Variants in FER observed in about 807,000 individuals in gnomAD.
FER encodes FER tyrosine kinase, also known as tyrosine-protein kinase Fer.
FER carries 63 observed loss-of-function variants against 111.0 expected under a neutral mutation model. The ratio of observed to expected loss-of-function variants is 0.57; its 90% confidence interval spans 0.46 to 0.70. The LOEUF (loss-of-function observed/expected upper bound fraction) is 0.70. Among genes scored for constraint, FER ranks in the 30% least tolerant of loss-of-function variants. The pLI is 0.00. For synonymous variants in FER, 327 were observed against 313.9 expected, an observed-to-expected ratio of 1.04 and a Z score of -0.44; for missense variants, 914 against 954.0, an observed-to-expected ratio of 0.96 and a Z score of 0.55.
At chr5:109,186,971 G>A (rs767759451) in intron 19 of FER, among the ~76,000 whole-genome samples, 3 of 152,118 alleles carry the variant, frequency 2.0e-5, no homozygotes, top group Non-Finnish European at 2.9e-5. Context: ...CTGAAACACT[G>A]CCAACCAACA....
rs1758216867 is a variant in FER at position 109,180,868 on chromosome 5, A to G, written c.2170A>G (p.Ile724Val). ...ATCTTCTGGCTTAAAGCAGATTCCC[A>G]TTAAATGGACAGCACCGGAAGCTCT... ...YSSSGLKQIPIKWTAPEALNY... is the reference protein window; with the variant it reads ...YSSSGLKQIPVKWTAPEALNY... The change falls in exon 18 of 20, where the codon ATT becomes GTT. Residue 724 changes from isoleucine (I) to valine (V), a missense_variant. By Grantham distance (29) the Ile-to-Val change is conservative. Around this residue, in one of 3 missense-constraint regions of FER, gnomAD observed 134 missense variants for 149.4 expected, o/e 0.90. Coordinates refer to ENST00000281092, the MANE Select transcript of FER (RefSeq NM_005246.4). 2.5e-6 allele frequency: 4 copies of G among 1,613,082 alleles called. No individual in the cohort carries two copies. The highest frequency in any genetic ancestry group is 2.7e-5 in the African/African-American group (2 of 74,878).
chr5:108,834,830 AGTGTCATCGTCT>A (rs1174283676), intron 4 of FER, among the ~76,000 whole-genome samples: 1 of 152,144 alleles, frequency 6.6e-6, no homozygotes, highest in Non-Finnish European at 1.5e-5. Flanking sequence ...TTATTCACAC[AGTGTCATCGTCT>A]GTGTCATCAA....
chr5:109,145,475 A>G (rs1221904409), intron 17 of FER, among the ~76,000 whole-genome samples: 3 of 151,722 alleles, frequency 2.0e-5, no homozygotes, highest in Non-Finnish European at 4.4e-5. Context: ...TTTCTTTACA[A>G]TTTTTTTCTT....
At chr5:109,186,817 G>C (rs926890362) in intron 19 of FER, among the ~76,000 whole-genome samples, 2 of 152,106 alleles carry the variant, frequency 1.3e-5, no homozygotes, top group South Asian at 2.1e-4. Flanking sequence ...ATACAGTCTC[G>C]ACAAAAAGAA....
At chr5:108,753,328 T>C (rs936989179) in intron 1 of FER, among the ~76,000 whole-genome samples, 8 of 152,160 alleles carry the variant, frequency 5.3e-5, no homozygotes, top group Admixed American at 3.9e-4. Context: ...GACATTTGCA[T>C]TTATACAAAT....
intron 7 of FER, 89 bp downstream of exon 7, chr5:108,871,591 C>G: frequency 1.1e-6 from 1 of 926,542 alleles, no homozygotes; most frequent in Non-Finnish European, 1.6e-6. Context: ...ATAAGAAATA[C>G]TTAAGATCTT....
At chr5:108,934,529 C>G (rs952108350) in intron 10 of FER, among the ~76,000 whole-genome samples, 1 of 152,042 alleles carries the variant, frequency 6.6e-6, no homozygotes, top group African/African-American at 2.4e-5. Flanking sequence ...GAGTTCGTTG[C>G]TTTTTAAAAT....
At chr5:109,168,442 T>C (rs1360507182) in intron 17 of FER, among the ~76,000 whole-genome samples, 1 of 151,998 alleles carries the variant, frequency 6.6e-6, no homozygotes, top group Non-Finnish European at 1.5e-5. Context: ...GGGCTGAAAG[T>C]AAATTGGTCA....
intron 3 of FER, among the ~76,000 whole-genome samples, chr5:108,808,348 G>A (rs1475762175): frequency 3.3e-5 from 5 of 151,700 alleles, no homozygotes; most frequent in African/African-American, 1.2e-4. Context: ...TTTATCATTA[G>A]TATCATTATT....
chr5:109,172,891 A>G (rs1284545298), intron 17 of FER, among the ~76,000 whole-genome samples: 1 of 152,214 alleles, frequency 6.6e-6, no homozygotes, highest in African/African-American at 2.4e-5. Flanking sequence ...ATACAAATTT[A>G]GTACCCATTT....
intron 13 of FER, among the ~76,000 whole-genome samples, chr5:109,035,315 A>G (rs1770224345): frequency 6.6e-6 from 1 of 152,102 alleles, no homozygotes; most frequent in African/African-American, 2.4e-5. Context: ...CTCAACTCCT[A>G]CCCCAAGCAA....
intron 17 of FER, among the ~76,000 whole-genome samples, chr5:109,158,329 G>A (rs764521808): frequency 3.3e-5 from 5 of 152,040 alleles, no homozygotes; most frequent in Non-Finnish European, 7.4e-5. Context: ...ACCTGAACCC[G>A]GAAGTCAAAG....
At chr5:109,063,422 G>T (rs1774685359) in intron 16 of FER, among the ~76,000 whole-genome samples, 2 of 152,134 alleles carry the variant, frequency 1.3e-5, no homozygotes, top group Non-Finnish European at 2.9e-5. Flanking sequence ...CTAGATACTT[G>T]CCTGGCATTT....
rs188316751 is a variant in FER, at chr5:109,161,263, G to C, written c.2049-19484G>C. ...AAAATTATGAGGCCATAAGTATCTT[G>C]AAATATTATTTTAAGTTCAGGGGTA... On this transcript the variant is annotated intron_variant, in intron 17 of 19. Coordinates refer to ENST00000281092, the MANE Select transcript of FER (RefSeq NM_005246.4). Among the ~76,000 whole-genome samples, 1,184 of 151,630 alleles carry C rather than the reference G, an allele frequency of 7.8e-3. 11 individuals are homozygous for C. The highest frequency in any genetic ancestry group is 0.028 in the African/African-American group (1,148 of 41,528).
At chr5:108,770,119 C>T (rs779113973) in intron 2 of FER, among the ~76,000 whole-genome samples, 3 of 151,932 alleles carry the variant, frequency 2.0e-5, no homozygotes, top group Non-Finnish European at 4.4e-5. Context: ...CGGCTAATTT[C>T]GTATTTTTAG....
chr5:108,900,632 C>G (rs540774244), intron 10 of FER, among the ~76,000 whole-genome samples: 1 of 152,102 alleles, frequency 6.6e-6, no homozygotes, highest in East Asian at 1.9e-4. Context: ...GCAGGAGAGA[C>G]AATGAATTAT....
chr5:108,959,075 A>G (rs1758807629), intron 12 of FER, 150 bp from the exon 13 acceptor site: 1 of 530,340 alleles, frequency 1.9e-6, no homozygotes, highest in Non-Finnish European at 2.9e-6. Flanking sequence ...CATCTTAACC[A>G]TTTTTAAGGG....
chr5:108,757,356 A>T (rs1014981295), intron 1 of FER, among the ~76,000 whole-genome samples: 20 of 152,130 alleles, frequency 1.3e-4, no homozygotes, highest in African/African-American at 4.8e-4. Context: ...ACTTCTGTGA[A>T]GTTATAACAT....
chr5:108,915,254 C>CACTTTGGGAGG (rs1356867077), intron 10 of FER, among the ~76,000 whole-genome samples: 1 of 152,114 alleles, frequency 6.6e-6, no homozygotes, highest in Non-Finnish European at 1.5e-5. Flanking sequence ...AGTTGGATCA[C>CACTTTGGGAGG]CTGAGGTCAG....
Sources: allele counts gnomAD v4.1 joint callset (sites outside exome capture counted in the v4.1 genomes callset), GRCh38; gene constraint gnomAD v4.1.1; regional missense constraint gnomAD v4.1.1; transcripts MANE v1.5; gene names NCBI Gene and HGNC (gene_info 2026-07-23, HGNC 2026-07-21).